Variants in GTPBP8 observed in about 807,000 individuals in gnomAD.
The protein encoded by GTPBP8 is GTP-binding protein 8.
GTPBP8 carries 21 observed loss-of-function variants against 27.3 expected under a neutral mutation model. The ratio of observed to expected loss-of-function variants is 0.77; its 90% CI spans 0.55 to 1.11. GTPBP8 has a LOEUF of 1.11. Among genes scored for constraint, GTPBP8 ranks in the 50% least tolerant of loss-of-function variants. The pLI, the probability that GTPBP8 is intolerant of heterozygous loss-of-function variation, is 0.00. For synonymous variants in GTPBP8, 147 were observed against 135.3 expected (o/e 1.09, Z -0.60); for missense variants, 380 against 350.8 (o/e 1.08, Z -0.67).
chr3:112,992,305 T>C (rs1014458024), intron 1 of GTPBP8: 1 of 152,168 alleles, frequency 6.6e-6, no homozygotes, highest in Non-Finnish European at 1.5e-5. Flanking sequence ...CCCTGCCCAC[T>C]AAATGTCCCC....
At chr3:112,993,300 G>A (rs575319521) in intron 2 of GTPBP8, among the ~76,000 whole-genome samples, 176 bp downstream of exon 2, 1 of 152,148 alleles carries the variant, frequency 6.6e-6, no homozygotes, top group South Asian at 2.1e-4. Context: ...AGAAAAGGAA[G>A]TGTAGCTGGA....
At chr3:112,992,348 A>G (rs1471693398) in intron 1 of GTPBP8, 1 of 152,130 alleles carries the variant, frequency 6.6e-6, no homozygotes, top group Non-Finnish European at 1.5e-5. Flanking sequence ...TGCCCTTAAA[A>G]TCTCCAAAAT....
At chr3:112,995,992 TAGTTCTA>T (rs1223810416) in intron 3 of GTPBP8, among the ~76,000 whole-genome samples, 2 of 152,230 alleles carry the variant, frequency 1.3e-5, no homozygotes, top group Non-Finnish European at 2.9e-5. Flanking sequence ...AATCAAGTGA[TAGTTCTA>T]AGAATTGCAC....
intron 1 of GTPBP8, 58 bp from the exon 2 acceptor site, chr3:112,992,968 C>T (rs1251494479): frequency 2.3e-6 from 2 of 866,778 alleles, no homozygotes; most frequent in African/African-American, 3.4e-5. Flanking sequence ...TTTTTTACAT[C>T]TAATGCAGAA....
chr3:113,001,057 AC>A lies in GTPBP8; in HGVS notation c.*140del, dbSNP rs1933897379. On this transcript the variant is annotated 3_prime_UTR_variant, in exon 6 of 6. Transcript: ENST00000383678. ...TCAGGAGGATCACTTGAGCTTTAAA[AC>A]CTGTGCCTTCTCGAAACAAGAATTT... The A allele has an allele frequency of 1.8e-6, 1 of 564,898 alleles. No homozygotes were observed. Among genetic ancestry groups the A allele is most frequent in the South Asian group, 2.4e-5 (1 of 41,960 alleles). The allele number at this position is 564,898 out of a possible 1,614,324, so 35.0% of individuals were successfully genotyped here. A position where few individuals can be genotyped will look rare whatever the true frequency, so the allele number is the denominator to read the frequency against.
chr3:112,995,180 A>G lies in GTPBP8; in HGVS notation c.481A>G (p.Thr161Ala), dbSNP rs757558590. The change falls in exon 3 of 6, where the codon ACA (threonine) becomes GCA (alanine). Residue 161 changes from threonine (T) to alanine (A), a missense_variant. Thr to Ala is a moderately conservative substitution (Grantham distance 58). Transcript: ENST00000383678. ...TTTTTTCAAAGTTGGAAAACATTTT[A>G]CAGTGGTGGACATGCCAGGTTATGG... is the stretch of plus-strand genomic sequence containing the variant. The part of the protein sequence containing the change: ...MNFFKVGKHF[T>A]VVDMPGYGFR... 4.4e-6 allele frequency: 7 copies of G among 1,605,724 alleles called. No individual in the cohort carries two copies. In the Admixed American group the frequency reaches 8.5e-5, roughly 19 times the overall value.
intron 2 of GTPBP8, among the ~76,000 whole-genome samples, chr3:112,993,330 C>T (rs1933720724): frequency 8.7e-6 from 1 of 115,522 alleles, no homozygotes; most frequent in Admixed American, 1.0e-4. Flanking sequence ...GTAGTCTAGA[C>T]AATATCTTCA....
Position 112,991,354 on chromosome 3 carries a change from G to T in GTPBP8, c.336+19G>T. 6.2e-7 allele frequency: 1 copy of T among 1,605,056 alleles called. No individual in the cohort carries two copies. Among genetic ancestry groups the T allele is most frequent in the South Asian group, 1.1e-5 (1 of 90,898 alleles). On this transcript the variant is annotated intron_variant, in intron 1 of 5. Coordinates refer to ENST00000383678, the MANE Select transcript of GTPBP8 (RefSeq NM_014170.4). ...GCCAGAGGTGAGAGGCGATTCTCAC[G>T]GTTCACCTGCGCGCCGGCGTCACAG...
At position 112,991,220 on chromosome 3, in the gene GTPBP8, G is replaced by C. The variant is rs138027371; in HGVS notation, c.221G>C (p.Ser74Thr). Residue 74 changes from serine (S) to threonine (T), a missense_variant, in exon 1 of 6, where the codon AGC (serine) becomes ACC (threonine). Physicochemically the swap from Ser to Thr is moderately conservative, Grantham distance 58. Transcript: ENST00000383678. Reference protein sequence around the residue: ...QDLHLRIFDPSPEDIARADNI... With the variant: ...QDLHLRIFDPTPEDIARADNI... ...CTTCACCTGCGTATCTTTGACCCAA[G>C]CCCGGAGGACATAGCCAGGGCGGAC... 1.9e-6 allele frequency: 3 copies of C among 1,614,168 alleles called. No individual in the cohort carries two copies. The highest frequency in any genetic ancestry group is 1.3e-5 in the African/African-American group (1 of 75,054).
At chr3:112,999,089 C>A (rs966984827) in intron 4 of GTPBP8, among the ~76,000 whole-genome samples, 1 of 152,200 alleles carries the variant, frequency 6.6e-6, no homozygotes, top group Admixed American at 6.5e-5. Context: ...TATAGATAAA[C>A]CCAATATTCA....
Position 112,994,694 on chromosome 3 carries a change from T to C in GTPBP8, c.436-441T>C, listed in dbSNP as rs144897219. On this transcript the variant is annotated intron_variant, in intron 2 of 5. Coordinates refer to ENST00000383678, the MANE Select transcript of GTPBP8 (RefSeq NM_014170.4). ...GATCAGAGTTTGGATCTAGGTTTTA[T>C]GAAAATGTGTATGACTGATGGTAAA... 1.0e-3 allele frequency among the ~76,000 whole-genome samples: 156 copies of C among 152,346 alleles called. 1 individual carries two copies. The highest frequency in any genetic ancestry group is 1.7e-3 in the Non-Finnish European group (116 of 68,018).
At chr3:112,994,967 C>G (rs1343635296) in intron 2 of GTPBP8, among the ~76,000 whole-genome samples, 168 bp from the exon 3 acceptor site, 1 of 152,156 alleles carries the variant, frequency 6.6e-6, no homozygotes, top group African/African-American at 2.4e-5. Flanking sequence ...AACTTATCTC[C>G]AGCCATTTCC....
rs757462629 is a variant in GTPBP8, at chr3:112,991,083, C to G, written c.84C>G (p.Ser28Arg). The G allele has an allele frequency of 2.5e-5, 40 of 1,613,940 alleles. No individual in the cohort carries two copies. Among genetic ancestry groups the G allele is most frequent in the Admixed American group, 5.0e-5 (3 of 60,010 alleles). ...AVLERLSRYN[S>R]TSQAFAEVLR... ...TAGAGCGACTGAGCCGCTATAATAG[C>G]ACGTCCCAAGCTTTTGCTGAGGTGC... The change falls in exon 1 of 6, where the codon AGC (serine) becomes AGG (arginine). Residue 28 changes from serine to arginine, a missense_variant. Ser to Arg is a moderately radical substitution (Grantham distance 110). Transcript: ENST00000383678.
chr3:112,991,268 G>A lies in GTPBP8; in HGVS notation c.269G>A (p.Arg90Gln), dbSNP rs1933669447. Residue 90 changes from arginine (R) to glutamine (Q), a missense_variant, in exon 1 of 6, where the codon CGG becomes CAG. Coordinates refer to ENST00000383678, the MANE Select transcript of GTPBP8 (RefSeq NM_014170.4). ...RADNIFTATE[R>Q]NRIDYVSSAV... ...GACAACATCTTCACGGCCACTGAAC[G>A]GAACCGCATCGACTACGTCAGCTCC... The A allele has an allele frequency of 4.3e-6, 7 of 1,613,764 alleles. No individual in the cohort carries two copies. The highest frequency in any genetic ancestry group is 4.0e-5 in the African/African-American group (3 of 74,928).
chr3:113,000,899 G>C lies in GTPBP8; in HGVS notation c.835G>C (p.Val279Leu), dbSNP rs779918051. ...CCTGTTGAGATGCTTTATAGCCAGT[G>C]TAACAGGAAGTCTTGACTAATGGTT... ...IHLLRCFIAS[V>L]TGSLD Residue 279 changes from valine (V) to leucine (L), a missense_variant, in exon 6 of 6, where the codon GTA becomes CTA. Coordinates refer to ENST00000383678, the MANE Select transcript of GTPBP8 (RefSeq NM_014170.4). 1.3e-6 allele frequency: 2 copies of C among 1,561,494 alleles called. No homozygotes were observed. The highest frequency in any genetic ancestry group is 1.7e-5 in the Admixed American group (1 of 59,076).
In GTPBP8 at chr3:112,995,136, G is replaced by C; in HGVS notation, c.437G>C (p.Gly146Ala). Residue 146 changes from glycine (G) to alanine (A), a missense_variant and splice_region_variant, in exon 3 of 6, where the codon GGA becomes GCA. Physicochemically the swap from Gly to Ala is moderately conservative, Grantham distance 60. Transcript: ENST00000383678. ...TTCTTTTTCTATTTACTTTATCAGGGACACACAAAGAAAATGAATTTTTTC... is the reference window on the plus strand; with the variant it reads ...TTCTTTTTCTATTTACTTTATCAGGCACACACAAAGAAAATGAATTTTTTC... ...EVEVRVSKKP[G>A]HTKKMNFFKV... The C allele has an allele frequency of 6.3e-7, 1 of 1,590,800 alleles. No individual in the cohort carries two copies. The highest frequency in any genetic ancestry group is 8.6e-7 in the Non-Finnish European group (1 of 1,167,926).
chr3:112,991,174 G>T lies in GTPBP8; in HGVS notation c.175G>T (p.Ala59Ser). Residue 59 changes from alanine to serine, a missense_variant, in exon 1 of 6, where the codon GCC becomes TCC. Ala to Ser is a moderately conservative substitution (Grantham distance 99). Coordinates refer to ENST00000383678, the MANE Select transcript of GTPBP8 (RefSeq NM_014170.4). ...YPLQEVERFL[A>S]PYGRQDLHLR... ...GCTGCAGGAAGTAGAGCGGTTCCTC[G>T]CCCCCTACGGGAGGCAAGACCTTCA... 1 of 1,614,138 alleles carries T rather than the reference G, an allele frequency of 6.2e-7. No homozygotes were observed. The highest frequency in any genetic ancestry group is 2.2e-5 in the East Asian group (1 of 44,894).
Position 112,991,158 on chromosome 3 carries a change from A to C in GTPBP8, c.159A>C (p.Glu53Asp), listed in dbSNP as rs1559709398. Residue 53 changes from glutamate (E) to aspartate (D), a missense_variant, in exon 1 of 6, where the codon GAA becomes GAC. Coordinates refer to ENST00000383678, the MANE Select transcript of GTPBP8 (RefSeq NM_014170.4). Reference protein sequence around the residue: ...QLRKLLYPLQEVERFLAPYGR... With the variant: ...QLRKLLYPLQDVERFLAPYGR... ...GGAAGCTGCTGTACCCGCTGCAGGA[A>C]GTAGAGCGGTTCCTCGCCCCCTACG... The C allele has an allele frequency of 3.1e-6, 5 of 1,614,148 alleles. No homozygotes were observed. Among genetic ancestry groups the C allele is most frequent in the Non-Finnish European group, 4.2e-6 (5 of 1,180,022 alleles).
intron 3 of GTPBP8, among the ~76,000 whole-genome samples, chr3:112,996,082 G>T (rs550195599): frequency 9.2e-5 from 14 of 152,194 alleles, no homozygotes; most frequent in Middle Eastern, 3.4e-3. Flanking sequence ...TTTACATAAG[G>T]GGTAAAATCA....
Sources: gnomAD v4.1 joint callset for allele counts (sites outside exome capture counted in the v4.1 genomes callset) on GRCh38, gnomAD v4.1.1 for gene constraint, MANE v1.5 for transcripts, NCBI Gene and HGNC (gene_info 2026-07-23, HGNC 2026-07-21) for gene names.